Variants in BTBD2 observed in about 807,000 individuals in gnomAD.
BTBD2 encodes the protein BTB/POZ domain-containing protein 2.
Under a neutral mutation model 44.0 loss-of-function variants are expected in BTBD2, and 15 were observed. That is an observed-to-expected ratio of 0.34 (90% CI 0.23 to 0.53). The LOEUF (loss-of-function observed/expected upper bound fraction) is 0.53, where lower values mean the gene tolerates loss of function less well. Ranked by LOEUF, BTBD2 falls within the 20% of genes least tolerant of loss-of-function variation. The pLI is 0.95. For missense variants in BTBD2, 657 were observed against 746.4 expected, an observed-to-expected ratio of 0.88 and a Z score of 1.39; for synonymous variants, 443 against 335.9, an observed-to-expected ratio of 1.32 and a Z score of -3.49.
chr19:1,987,197 T>C lies in BTBD2; in HGVS notation c.1238A>G (p.His413Arg), dbSNP rs772735177. 1 of 1,613,668 alleles carries C rather than the reference T, an allele frequency of 6.2e-7. No homozygotes were observed. The highest frequency in any genetic ancestry group is 8.5e-7 in the Non-Finnish European group (1 of 1,179,816). ...GTTCACTTGGTAGTCGGTGGGCCCG[T>C]GGATGGATCCATACAGCCCAAATCC... ...VVGFGLYGSI[H>R]GPTDYQVNIQ... The change falls in exon 7 of 9, where the codon CAC becomes CGC. Residue 413 changes from histidine (H) to arginine (R), a missense_variant. His to Arg is a conservative substitution (Grantham distance 29). This residue lies in a region of BTBD2 where 449 missense variants were observed against 510.9 expected (regional missense o/e 0.88). Transcript: ENST00000255608.
In BTBD2 at chr19:2,013,849, G is replaced by A. The variant is rs554597357; in HGVS notation, c.407+1448C>T. ...GGGAGCAAGGCCTAGGGGTCTTGGC[G>A]CACAGGGGTGCGGGTGGGAGTGGCA... On this transcript the variant is annotated intron_variant, in intron 1 of 8. Coordinates refer to ENST00000255608, the MANE Select transcript of BTBD2 (RefSeq NM_017797.4). The A allele has an allele frequency of 6.7e-5, 12 of 178,364 alleles. No individual in the cohort carries two copies. In the East Asian group the frequency reaches 1.1e-3, roughly 17 times the overall value. The allele number at this position is 178,364 out of a possible 1,614,324, so 11.0% of individuals were successfully genotyped here.
intron 1 of BTBD2, among the ~76,000 whole-genome samples, chr19:1,998,644 T>A (rs1321948609): frequency 6.6e-6 from 1 of 151,768 alleles, no homozygotes; most frequent in African/African-American, 2.4e-5. Flanking sequence ...TTTGGCCAGG[T>A]CTGTATGGGG....
chr19:2,008,136 C>T (rs934339644), intron 1 of BTBD2, among the ~76,000 whole-genome samples: 5 of 151,970 alleles, frequency 3.3e-5, no homozygotes, highest in Admixed American at 2.0e-4. Context: ...TCCCGAGTAG[C>T]TGGGATTACA....
chr19:1,995,471 AC>A (rs1454044589), intron 2 of BTBD2, among the ~76,000 whole-genome samples: 1 of 131,004 alleles, frequency 7.6e-6, no homozygotes, highest in African/African-American at 2.9e-5. Flanking sequence ...TTTAGTAGAG[AC>A]GGGGTTTCAC....
chr19:1,990,201 T>C lies in BTBD2; in HGVS notation c.791A>G (p.Asp264Gly). 1 of 1,593,524 alleles carries C rather than the reference T, an allele frequency of 6.3e-7. No individual in the cohort carries two copies. The highest frequency in any genetic ancestry group is 2.3e-5 in the East Asian group (1 of 43,544). Reference sequence around the variant, plus strand: ...GCGCTCCAGGACAGCCACCAGCGTGTCTGTGGGGTGGAGGAAGGGGCTGCG... The same window carrying C: ...GCGCTCCAGGACAGCCACCAGCGTGCCTGTGGGGTGGAGGAAGGGGCTGCG... The part of the protein sequence containing the change: ...TAEGFTDIDL[D>G]TLVAVLERDT... The change falls in exon 5 of 9, where the codon GAC becomes GGC. Residue 264 changes from aspartate (D) to glycine (G), a missense_variant and splice_region_variant. Coordinates refer to ENST00000255608, the MANE Select transcript of BTBD2 (RefSeq NM_017797.4).
intron 1 of BTBD2, among the ~76,000 whole-genome samples, chr19:1,999,512 G>A (rs919529376): frequency 6.6e-6 from 1 of 151,902 alleles, no homozygotes; most frequent in Non-Finnish European, 1.5e-5. Context: ...CAAAAACATT[G>A]AAAATTAGCC....
At chr19:1,997,277 G>A (rs1025644428) in intron 2 of BTBD2, 67 bp downstream of exon 2, 1 of 1,605,678 alleles carries the variant, frequency 6.2e-7, no homozygotes, top group African/African-American at 1.3e-5. Flanking sequence ...GTCAGACAGG[G>A]TCTACGTTCT....
chr19:1,996,804 G>A lies in BTBD2; in HGVS notation c.527+540C>T, dbSNP rs147027587. Among the ~76,000 whole-genome samples, 618 of 152,122 alleles carry A rather than the reference G, an allele frequency of 4.1e-3. 5 individuals carry two copies. The highest frequency in any genetic ancestry group is 0.014 in the African/African-American group (587 of 41,476). ...GGAGAATCACTTGAACCAGGAAGTCGGAGGTCTCAATGAGCTGAGATCACA... is the reference window on the plus strand; with the variant it reads ...GGAGAATCACTTGAACCAGGAAGTCAGAGGTCTCAATGAGCTGAGATCACA... On this transcript the variant is annotated intron_variant, in intron 2 of 8. Transcript: ENST00000255608.
In BTBD2 at chr19:1,999,866, GC is replaced by G. The variant is rs373414533; in HGVS notation, c.408-2404del. Among the ~76,000 whole-genome samples, 714 of 151,914 alleles carry G rather than the reference GC, an allele frequency of 4.7e-3. 6 individuals carry two copies. The highest frequency in any genetic ancestry group is 0.016 in the African/African-American group (655 of 41,410). ...AATCCCAGCTACTCAGGAGGCTGAG[GC>G]AGGAGAATTGCTTGAACCCGGGAGG... On this transcript the variant is annotated intron_variant, in intron 1 of 8. Transcript: ENST00000255608.
intron 1 of BTBD2, among the ~76,000 whole-genome samples, chr19:1,998,525 T>C (rs924806604): frequency 1.3e-5 from 2 of 152,170 alleles, no homozygotes; most frequent in African/African-American, 2.4e-5. Context: ...TCAGGCTGCC[T>C]ATGGGGCCCA....
chr19:1,986,624 T>C lies in BTBD2; in HGVS notation c.1442A>G (p.Lys481Arg). The change falls in exon 9 of 9, where the codon AAA becomes AGA. Residue 481 changes from lysine to arginine, a missense_variant. Physicochemically the swap from Lys to Arg is conservative, Grantham distance 26 (BLOSUM62 2). This residue lies in a region of BTBD2 where 449 missense variants were observed against 510.9 expected (regional missense o/e 0.88). Transcript: ENST00000255608. ...CTCGTGTGTCACCTTGCGCAGGCCT[T>C]TGGTGCCGTAGTGGGAGTCTGGGCC... ...LKGPDSHYGT[K>R]GLRKVTHESP... 1 of 1,613,862 alleles carries C rather than the reference T, an allele frequency of 6.2e-7. No individual in the cohort carries two copies. The highest frequency in any genetic ancestry group is 8.5e-7 in the Non-Finnish European group (1 of 1,179,872).
intron 6 of BTBD2, 99 bp from the exon 7 acceptor site, chr19:1,987,352 C>T: frequency 6.8e-7 from 1 of 1,462,080 alleles, no homozygotes; most frequent in Non-Finnish European, 9.2e-7. Context: ...TCCATCGTCC[C>T]TGAGTCCTCC....
chr19:2,001,581 C>T (rs1484239274), intron 1 of BTBD2, among the ~76,000 whole-genome samples: 1 of 152,218 alleles, frequency 6.6e-6, no homozygotes, highest in East Asian at 1.9e-4. Flanking sequence ...CGCAATGCAA[C>T]GTCCATGAAG....
chr19:1,987,815 C>T, intron 5 of BTBD2, 123 bp from the exon 6 acceptor site: 1 of 1,019,602 alleles, frequency 9.8e-7, no homozygotes, highest in Non-Finnish European at 1.4e-6. Context: ...GGGACCTGGG[C>T]AGCCCCTCCC....
chr19:2,006,528 A>AG (rs1428633812), intron 1 of BTBD2, among the ~76,000 whole-genome samples: 75 of 150,686 alleles, frequency 5.0e-4, no homozygotes, highest in African/African-American at 1.5e-3. Flanking sequence ...AAAAGAAAAG[A>AG]AAAATCACCC....
At chr19:1,989,676 C>G (rs1426618846) in intron 5 of BTBD2, 3 of 381,624 alleles carry the variant, frequency 7.9e-6, no homozygotes, top group Non-Finnish European at 1.5e-5. Context: ...CCCTCCTGAG[C>G]TCGTCACAGA....
intron 8 of BTBD2, 84 bp downstream of exon 8, chr19:1,986,746 C>T (rs148020641): frequency 2.7e-4 from 432 of 1,575,928 alleles, no homozygotes; most frequent in Middle Eastern, 4.0e-4. Context: ...GGGTGGCTGC[C>T]TCTGGAGAGT....
In BTBD2 at chr19:1,992,722, C is replaced by T. The variant is rs10425333; in HGVS notation, c.684+298G>A. Among the ~76,000 whole-genome samples the T allele has an allele frequency of 0.35, 52,982 of 151,880 alleles. 10,522 individuals carry two copies. Among genetic ancestry groups the T allele is most frequent in the African/African-American group, 0.54 (22,548 of 41,438 alleles). On this transcript the variant is annotated intron_variant, in intron 3 of 8. Coordinates refer to ENST00000255608, the MANE Select transcript of BTBD2 (RefSeq NM_017797.4). ...AAGTAGCTGGAATTACAGGTGCCCG[C>T]CACCACGCCCGGCTCTTTTTTGTGT...
chr19:2,003,810 A>G (rs546780687), intron 1 of BTBD2, among the ~76,000 whole-genome samples: 1 of 148,474 alleles, frequency 6.7e-6, no homozygotes, highest in East Asian at 2.0e-4. Flanking sequence ...AAAAGAAAAG[A>G]AAAAGGAATC....
Sources: gnomAD v4.1 joint callset for allele counts (sites outside exome capture counted in the v4.1 genomes callset) on GRCh38, gnomAD v4.1.1 for gene constraint, gnomAD v4.1.1 regional missense constraint, MANE v1.5 for transcripts, NCBI Gene and HGNC (gene_info 2026-07-23, HGNC 2026-07-21) for gene names.